TSC22D2: variants seen among roughly 807,000 people sequenced by gnomAD.
TSC22D2 encodes TSC22 domain family member 2.
In TSC22D2, 5 loss-of-function variants were observed where a neutral mutation model predicts 50.1. That is an observed-to-expected ratio of 0.10 (90% CI 0.05 to 0.21). The LOEUF is 0.21. TSC22D2 is among the 10% of genes least tolerant of loss of function. TSC22D2 has a pLI of 1.00. For missense variants in TSC22D2, 1,003 were observed against 1,015.5 expected, an observed-to-expected ratio of 0.99 and a Z score of 0.17; for synonymous variants, 501 against 450.1, an observed-to-expected ratio of 1.11 and a Z score of -1.43.
intron 1 of TSC22D2, among the ~76,000 whole-genome samples, chr3:150,452,529 T>C (rs1289645657): frequency 6.6e-6 from 1 of 152,168 alleles, no homozygotes; most frequent in Non-Finnish European, 1.5e-5. Flanking sequence ...AAATTCTTCA[T>C]CCATCCTCTT....
chr3:150,431,612 A>G (rs571764430), intron 1 of TSC22D2, among the ~76,000 whole-genome samples: 4 of 152,320 alleles, frequency 2.6e-5, no homozygotes, highest in South Asian at 2.1e-4. Context: ...ATGTTTTTGG[A>G]TAAAATACTA....
intron 1 of TSC22D2, among the ~76,000 whole-genome samples, chr3:150,411,686 T>A (rs547682471): frequency 6.6e-6 from 1 of 152,344 alleles, no homozygotes; most frequent in South Asian, 2.1e-4. Context: ...AGTGTGAGTT[T>A]TGAGGCTGAG....
rs1298140542 is a variant in TSC22D2, at chr3:150,411,319, C to G, written c.1958+11C>G. On this transcript the variant is annotated intron_variant, in intron 1 of 2. Transcript: ENST00000688009. ...TGGTGATGAAGACAGGTATGGAAATCTCTATTTTAAATATTTGATAGAAAT... is the reference window on the plus strand; with the variant it reads ...TGGTGATGAAGACAGGTATGGAAATGTCTATTTTAAATATTTGATAGAAAT... 12 of 1,583,156 alleles carry G rather than the reference C, an allele frequency of 7.6e-6. No homozygotes were observed. Among genetic ancestry groups the G allele is most frequent in the Non-Finnish European group, 1.0e-5 (12 of 1,163,150 alleles).
chr3:150,451,250 G>A (rs1721035140), intron 1 of TSC22D2, among the ~76,000 whole-genome samples: 1 of 152,082 alleles, frequency 6.6e-6, no homozygotes, highest in Non-Finnish European at 1.5e-5. Flanking sequence ...ATTTTTTGCA[G>A]TATTTTAATT....
At chr3:150,424,563 A>G (rs1039326088) in intron 1 of TSC22D2, among the ~76,000 whole-genome samples, 6 of 152,220 alleles carry the variant, frequency 3.9e-5, no homozygotes, top group Non-Finnish European at 7.3e-5. Context: ...TAATAAAACC[A>G]CCATAGAAGT....
At chr3:150,423,096 A>C (rs1192525410) in intron 1 of TSC22D2, 1 of 1,612,900 alleles carries the variant, frequency 6.2e-7, no homozygotes, top group African/African-American at 1.3e-5. Context: ...AACACGTTAA[A>C]GGAATCAAAG....
At position 150,423,892 on chromosome 3, in the gene TSC22D2, G is replaced by A. The variant is rs147298875; in HGVS notation, c.1958+12584G>A. The stretch of plus-strand genomic sequence containing the variant: ...TGTTTTTAAAATTCACACAAAGCTC[G>A]TTAGATTCTTTTAACTCTGCCTGGC... On this transcript the variant is annotated intron_variant, in intron 1 of 2. Coordinates refer to ENST00000688009, the MANE Select transcript of TSC22D2 (RefSeq NM_001303264.2). Among the ~76,000 whole-genome samples the A allele has an allele frequency of 4.9e-3, 749 of 152,202 alleles. 7 individuals are homozygous for A. Among genetic ancestry groups the A allele is most frequent in the African/African-American group, 0.017 (703 of 41,538 alleles).
At chr3:150,439,078 C>T (rs1720637287) in intron 1 of TSC22D2, among the ~76,000 whole-genome samples, 1 of 152,040 alleles carries the variant, frequency 6.6e-6, no homozygotes, top group South Asian at 2.1e-4. Flanking sequence ...CTTTTAATCT[C>T]AAGATTATAG....
chr3:150,458,368 T>C lies in TSC22D2; in HGVS notation c.2011-8T>C, dbSNP rs761835156. ...CTCTTTTGACATTCCTAATTTTGTT[T>C]TTCACAGGATCTGGTGAAAAGCCAT... On this transcript the variant is annotated splice_polypyrimidine_tract_variant and splice_region_variant and intron_variant, in intron 2 of 2. Transcript: ENST00000688009. 8 of 1,607,984 alleles carry C rather than the reference T, an allele frequency of 5.0e-6. No individual in the cohort carries two copies. Among genetic ancestry groups the C allele is most frequent in the Non-Finnish European group, 6.8e-6 (8 of 1,176,836 alleles).
chr3:150,451,699 A>G (rs80118604), intron 1 of TSC22D2, among the ~76,000 whole-genome samples: 14,577 of 152,232 alleles, frequency 0.096, 930 homozygotes, highest in South Asian at 0.29. Flanking sequence ...CCTCAACTGT[A>G]AAATGAGAAT....
intron 1 of TSC22D2, among the ~76,000 whole-genome samples, chr3:150,453,754 A>G (rs1248874008): frequency 1.3e-5 from 2 of 152,236 alleles, no homozygotes; most frequent in Non-Finnish European, 2.9e-5. Context: ...ATTGTTTCAA[A>G]TCTATCATAT....
chr3:150,435,201 ACTC>A (rs1322988930), intron 1 of TSC22D2, among the ~76,000 whole-genome samples: 4 of 151,080 alleles, frequency 2.6e-5, no homozygotes, highest in African/African-American at 9.8e-5. Flanking sequence ...CTGTTCTTGA[ACTC>A]CTGACCTCAG....
At chr3:150,429,492 A>G (rs1720314637) in intron 1 of TSC22D2, among the ~76,000 whole-genome samples, 1 of 152,126 alleles carries the variant, frequency 6.6e-6, no homozygotes, top group Non-Finnish European at 1.5e-5. Flanking sequence ...TAGTCATAGG[A>G]CTGTAGGGAA....
chr3:150,434,436 T>C (rs139537444), intron 1 of TSC22D2, among the ~76,000 whole-genome samples: 5,871 of 152,204 alleles, frequency 0.039, 136 homozygotes, highest in Middle Eastern at 0.075. Flanking sequence ...AGCCACTGTG[T>C]CCAACCCAAA....
intron 1 of TSC22D2, among the ~76,000 whole-genome samples, chr3:150,432,091 T>C (rs909077330): frequency 6.6e-6 from 1 of 152,196 alleles, no homozygotes; most frequent in Non-Finnish European, 1.5e-5. Context: ...CACTGGACCC[T>C]AAACATCTCT....
chr3:150,428,613 ACT>A (rs1560084465), intron 1 of TSC22D2, among the ~76,000 whole-genome samples: 7 of 121,956 alleles, frequency 5.7e-5, no homozygotes, highest in Non-Finnish European at 1.4e-4. Context: ...AAAAAAACAT[ACT>A]TAGATATGTG....
intron 1 of TSC22D2, among the ~76,000 whole-genome samples, chr3:150,455,009 T>C (rs1324915142): frequency 6.6e-6 from 1 of 152,214 alleles, no homozygotes. Flanking sequence ...TACTGCTTGT[T>C]AATACATAAA....
chr3:150,446,492 G>A (rs1193485042), intron 1 of TSC22D2, among the ~76,000 whole-genome samples: 1 of 152,156 alleles, frequency 6.6e-6, no homozygotes. Context: ...TTACAAACAA[G>A]TCAAAACATT....
At chr3:150,448,876 G>A (rs1221510886) in intron 1 of TSC22D2, among the ~76,000 whole-genome samples, 3 of 146,874 alleles carry the variant, frequency 2.0e-5, no homozygotes, top group South Asian at 4.4e-4. Flanking sequence ...TTTTAATCTT[G>A]TATATATATA....
Sources: allele counts gnomAD v4.1 joint callset (sites outside exome capture counted in the v4.1 genomes callset), GRCh38; gene constraint gnomAD v4.1.1; transcripts MANE v1.5; gene names NCBI Gene and HGNC (gene_info 2026-07-23, HGNC 2026-07-21).